BBS9: variants seen among roughly 807,000 people sequenced by gnomAD.
BBS9 encodes the protein protein PTHB1.
In BBS9, 89 loss-of-function variants were observed where a neutral mutation model predicts 117.7. The ratio of observed to expected loss-of-function variants is 0.76; its 90% CI spans 0.64 to 0.90. The LOEUF (loss-of-function observed/expected upper bound fraction) is 0.90. BBS9 is among the 40% of genes least tolerant of loss of function. The probability of loss-of-function intolerance (pLI) is 0.00; values close to 1 mark genes in which losing one functional copy is unlikely to be tolerated. For synonymous variants in BBS9, 379 were observed against 370.9 expected, an observed-to-expected ratio of 1.02 and a Z score of -0.25; for missense variants, 982 against 1,042.2, an observed-to-expected ratio of 0.94 and a Z score of 0.80.
intron 5 of BBS9, among the ~76,000 whole-genome samples, chr7:33,236,377 A>C (rs1447927837): frequency 2.0e-5 from 3 of 151,774 alleles, no homozygotes; most frequent in Admixed American, 2.0e-4. Context: ...AATGAATACA[A>C]AACAATTACG....
At chr7:33,618,633 T>C (rs1228480223) in intron 21 of BBS9, among the ~76,000 whole-genome samples, 1 of 152,102 alleles carries the variant, frequency 6.6e-6, no homozygotes, top group Non-Finnish European at 1.5e-5. Flanking sequence ...GGTTGGAGGA[T>C]CACTTAAGCC....
intron 5 of BBS9, among the ~76,000 whole-genome samples, chr7:33,192,955 C>A (rs149881531): frequency 3.5e-4 from 54 of 152,348 alleles, no homozygotes; most frequent in African/African-American, 1.1e-3. Flanking sequence ...AATACCACTA[C>A]AATGGGAATT....
intron 5 of BBS9, among the ~76,000 whole-genome samples, chr7:33,218,184 A>G (rs923168228): frequency 6.6e-6 from 1 of 152,258 alleles, no homozygotes; most frequent in Non-Finnish European, 1.5e-5. Flanking sequence ...ACAACTGTAT[A>G]TAGATTACAT....
At chr7:33,248,857 A>G (rs574344794) in intron 5 of BBS9, among the ~76,000 whole-genome samples, 1 of 152,148 alleles carries the variant, frequency 6.6e-6, no homozygotes, top group East Asian at 1.9e-4. Flanking sequence ...GACTACCTAT[A>G]CAGCTGTTTT....
chr7:33,361,453 C>T (rs1340856613), intron 16 of BBS9, among the ~76,000 whole-genome samples: 1 of 152,104 alleles, frequency 6.6e-6, no homozygotes, highest in African/African-American at 2.4e-5. Context: ...TCTTTGGAGA[C>T]AAATGCTTGA....
chr7:33,177,114 C>G lies in BBS9; in HGVS notation c.329-364C>G, dbSNP rs77526763. Among the ~76,000 whole-genome samples, 8 of 151,926 alleles carry G rather than the reference C, an allele frequency of 5.3e-5. No homozygotes were observed. In the East Asian group the frequency reaches 1.5e-3, roughly 29 times the overall value. On this transcript the variant is annotated intron_variant, in intron 4 of 22. Coordinates refer to ENST00000242067, the MANE Select transcript of BBS9 (RefSeq NM_198428.3). ...TTTTCTTAGACACTTTGAGTCATTT[C>G]TTTGCTCTATTAATGTTTATAAATG...
intron 21 of BBS9, among the ~76,000 whole-genome samples, chr7:33,593,349 CAT>C (rs2129182510): frequency 6.6e-6 from 1 of 152,160 alleles, no homozygotes; most frequent in Non-Finnish European, 1.5e-5. Context: ...GCCTTGTTAA[CAT>C]GTGTAAAAAC....
At chr7:33,280,098 G>A (rs1584059666) in intron 9 of BBS9, among the ~76,000 whole-genome samples, 1 of 152,194 alleles carries the variant, frequency 6.6e-6, no homozygotes. Flanking sequence ...TCCTAGGCTA[G>A]GTCCACAATA....
chr7:33,344,077 A>ATTTT (rs1817085198), intron 11 of BBS9, among the ~76,000 whole-genome samples: 1 of 105,088 alleles, frequency 9.5e-6, no homozygotes, highest in African/African-American at 3.9e-5. Flanking sequence ...TTAGGGGATG[A>ATTTT]GTTTTTTTTT....
intron 5 of BBS9, among the ~76,000 whole-genome samples, chr7:33,246,071 T>C (rs1164080682): frequency 6.6e-6 from 1 of 152,158 alleles, no homozygotes; most frequent in Non-Finnish European, 1.5e-5. Flanking sequence ...TATTTGTATG[T>C]ATGACTTTTA....
chr7:33,622,775 A>G (rs1392417715), intron 21 of BBS9, among the ~76,000 whole-genome samples: 2 of 152,194 alleles, frequency 1.3e-5, no homozygotes, highest in Non-Finnish European at 2.9e-5. Context: ...TGTCTCCAGA[A>G]ACAGAATGTC....
At chr7:33,585,035 C>G (rs1860649700) in intron 21 of BBS9, among the ~76,000 whole-genome samples, 2 of 152,050 alleles carry the variant, frequency 1.3e-5, no homozygotes, top group South Asian at 4.1e-4. Context: ...GCTTTATTTT[C>G]CACTTTATTA....
chr7:33,161,760 C>G (rs901576643), intron 4 of BBS9, among the ~76,000 whole-genome samples: 5 of 152,230 alleles, frequency 3.3e-5, no homozygotes, highest in Non-Finnish European at 7.3e-5. Context: ...ATTCCTATTT[C>G]TCCTCATCCT....
chr7:33,551,413 A>C (rs1375198624), intron 21 of BBS9, among the ~76,000 whole-genome samples: 1 of 152,184 alleles, frequency 6.6e-6, no homozygotes, highest in Non-Finnish European at 1.5e-5. Flanking sequence ...CTGCTTTTGA[A>C]AGAGATGAAT....
rs369049329 is a variant in BBS9 at position 33,421,411 on chromosome 7, G to A, written c.2115+33267G>A. 7.2e-5 allele frequency among the ~76,000 whole-genome samples: 11 copies of A among 152,296 alleles called. No homozygotes were observed. The East Asian group carries it at 2.1e-3, about 29-fold the overall frequency. On this transcript the variant is annotated intron_variant, in intron 19 of 22. Transcript: ENST00000242067. ...TAGCCATTTATTAATATGTGAGCAT[G>A]ATGATACTTGGTGTGTATGTTTGTA...
intron 22 of BBS9, 42 bp downstream of exon 22, chr7:33,605,017 A>C (rs1047798346): frequency 2.6e-6 from 4 of 1,535,162 alleles, no homozygotes; most frequent in Non-Finnish European, 3.6e-6. Flanking sequence ...GTTAAGTCAG[A>C]AGCAGTGACA....
chr7:33,321,532 A>G (rs1394288610), intron 9 of BBS9, among the ~76,000 whole-genome samples: 1 of 151,674 alleles, frequency 6.6e-6, no homozygotes, highest in Non-Finnish European at 1.5e-5. Flanking sequence ...CAGATTGTTC[A>G]CTATTGGTAT....
chr7:33,368,245 T>C (rs1284149667), intron 17 of BBS9, among the ~76,000 whole-genome samples: 1 of 152,158 alleles, frequency 6.6e-6, no homozygotes, highest in Non-Finnish European at 1.5e-5. Flanking sequence ...CTCCTAGAAC[T>C]TGGAATTTTT....
At chr7:33,569,699 T>C (rs1307702890) in intron 21 of BBS9, among the ~76,000 whole-genome samples, 2 of 151,564 alleles carry the variant, frequency 1.3e-5, no homozygotes, top group African/African-American at 4.9e-5. Context: ...GAGGAGGAAA[T>C]TGCAATGAGC....
Sources: gnomAD v4.1 joint callset for allele counts (sites outside exome capture counted in the v4.1 genomes callset) on GRCh38, gnomAD v4.1.1 for gene constraint, MANE v1.5 for transcripts, NCBI Gene and HGNC (gene_info 2026-07-23, HGNC 2026-07-21) for gene names.